The following CAMKMT variants were observed in gnomAD, a reference collection of about 807,000 sequenced individuals.
The protein encoded by CAMKMT is calmodulin-lysine N-methyltransferase, also known as CaM KMT.
CAMKMT carries 53 observed loss-of-function variants against 48.0 expected under a neutral mutation model. That is an observed-to-expected ratio of 1.10 (90% confidence interval 0.89 to 1.39). The LOEUF is 1.39. Ranked by LOEUF, CAMKMT falls within the 40% of genes most tolerant of loss-of-function variation. The probability of loss-of-function intolerance (pLI) is 0.00; values close to 1 mark genes in which losing one functional copy is unlikely to be tolerated. For synonymous variants in CAMKMT, 165 were observed against 152.3 expected, an observed-to-expected ratio of 1.08 and a Z score of -0.61; for missense variants, 428 against 402.7, an observed-to-expected ratio of 1.06 and a Z score of -0.54.
chr2:44,747,219 CTTT>C (rs1007503407), intron 8 of CAMKMT, among the ~76,000 whole-genome samples: 1 of 152,056 alleles, frequency 6.6e-6, no homozygotes, highest in East Asian at 1.9e-4. Context: ...TAAATTGTTT[CTTT>C]TTTTTAGTCC....
intron 3 of CAMKMT, among the ~76,000 whole-genome samples, chr2:44,450,283 C>G (rs1395301310): frequency 6.6e-6 from 1 of 152,148 alleles, no homozygotes; most frequent in Non-Finnish European, 1.5e-5. Flanking sequence ...CCTGAGCTGT[C>G]TTCCATGTGC....
At chr2:44,758,627 A>T (rs1393631440) in intron 9 of CAMKMT, among the ~76,000 whole-genome samples, 1 of 152,218 alleles carries the variant, frequency 6.6e-6, no homozygotes, top group Non-Finnish European at 1.5e-5. Context: ...AGCACATTTT[A>T]CGCATTCCAA....
At chr2:44,424,649 C>T (rs1415930122) in intron 3 of CAMKMT, among the ~76,000 whole-genome samples, 3 of 152,152 alleles carry the variant, frequency 2.0e-5, no homozygotes, top group Non-Finnish European at 2.9e-5. Context: ...GACTATTATT[C>T]TAAGTGAAGC....
At chr2:44,439,314 C>T (rs763903764) in intron 3 of CAMKMT, among the ~76,000 whole-genome samples, 1 of 152,174 alleles carries the variant, frequency 6.6e-6, no homozygotes, top group Non-Finnish European at 1.5e-5. Context: ...CTCTCTCTCT[C>T]CTACATCCTT....
intron 2 of CAMKMT, among the ~76,000 whole-genome samples, chr2:44,377,154 A>G (rs1182333231): frequency 6.6e-6 from 1 of 152,036 alleles, no homozygotes; most frequent in African/African-American, 2.4e-5. Flanking sequence ...CTACAGTTAC[A>G]TGCCACCATG....
At chr2:44,401,317 G>A (rs112933531) in intron 3 of CAMKMT, among the ~76,000 whole-genome samples, 2 of 152,140 alleles carry the variant, frequency 1.3e-5, no homozygotes, top group African/African-American at 4.8e-5. Flanking sequence ...CAGCACTTTG[G>A]GAGGTGAGGC....
At chr2:44,725,054 C>A (rs1678702652) in intron 7 of CAMKMT, among the ~76,000 whole-genome samples, 2 of 152,058 alleles carry the variant, frequency 1.3e-5, no homozygotes, top group Admixed American at 1.3e-4. Flanking sequence ...ACTATCCCAG[C>A]TGAGAAATAT....
At chr2:44,687,062 T>C (rs991643845) in intron 3 of CAMKMT, among the ~76,000 whole-genome samples, 1 of 152,242 alleles carries the variant, frequency 6.6e-6, no homozygotes, top group Admixed American at 6.5e-5. Context: ...TTCTCTCCAA[T>C]GTATGATAAT....
chr2:44,520,543 G>A (rs1572702908), intron 3 of CAMKMT, among the ~76,000 whole-genome samples: 1 of 152,104 alleles, frequency 6.6e-6, no homozygotes, highest in Non-Finnish European at 1.5e-5. Flanking sequence ...TTAAGTGATG[G>A]TCATGGTACC....
At chr2:44,721,928 G>C (rs1371312802) in intron 7 of CAMKMT, among the ~76,000 whole-genome samples, 1 of 152,164 alleles carries the variant, frequency 6.6e-6, no homozygotes, top group African/African-American at 2.4e-5. Flanking sequence ...TCCAGGGCTA[G>C]GCAACCACTG....
chr2:44,417,568 A>G (rs773582377), intron 3 of CAMKMT, among the ~76,000 whole-genome samples: 6 of 152,196 alleles, frequency 3.9e-5, no homozygotes, highest in Non-Finnish European at 8.8e-5. Context: ...TCTCTTGGGT[A>G]AATACCTAGG....
In CAMKMT at chr2:44,674,398, T is replaced by C. The variant is rs572797858; in HGVS notation, c.377-29885T>C. Among the ~76,000 whole-genome samples the C allele has an allele frequency of 5.3e-5, 8 of 152,330 alleles. No homozygotes were observed. The East Asian group carries it at 7.7e-4, about 15-fold the overall frequency. On this transcript the variant is annotated intron_variant, in intron 3 of 10. Coordinates refer to ENST00000378494, the MANE Select transcript of CAMKMT (RefSeq NM_024766.5). ...ATCTTGACTGCAGGGACCATCTTAG[T>C]ATCCAAAAGCTAGAGCACAGTCTCT...
At chr2:44,430,906 C>T (rs1360811290) in intron 3 of CAMKMT, among the ~76,000 whole-genome samples, 1 of 152,028 alleles carries the variant, frequency 6.6e-6, no homozygotes, top group East Asian at 1.9e-4. Flanking sequence ...TAAAGATTTG[C>T]AAAAGTACTA....
chr2:44,391,871 C>T (rs566300033), intron 3 of CAMKMT: 2 of 152,918 alleles, frequency 1.3e-5, no homozygotes, highest in Non-Finnish European at 2.9e-5. Context: ...TCACTGTTGT[C>T]TCTTGTTTGG....
At chr2:44,489,884 C>T (rs1669401112) in intron 3 of CAMKMT, among the ~76,000 whole-genome samples, 1 of 152,140 alleles carries the variant, frequency 6.6e-6, no homozygotes, top group Admixed American at 6.5e-5. Flanking sequence ...TCCATGTTCA[C>T]TATTTGGGTG....
chr2:44,481,917 T>G (rs1289122531), intron 3 of CAMKMT, among the ~76,000 whole-genome samples: 1 of 152,072 alleles, frequency 6.6e-6, no homozygotes, highest in African/African-American at 2.4e-5. Context: ...GTTTTAGAAA[T>G]TTCAATTCCT....
chr2:44,514,655 G>A (rs1670745084), intron 3 of CAMKMT, among the ~76,000 whole-genome samples: 2 of 152,196 alleles, frequency 1.3e-5, no homozygotes, highest in South Asian at 4.2e-4. Context: ...GACCTTTTCT[G>A]TCTTGTTCAC....
chr2:44,582,733 G>C (rs1669632318), intron 3 of CAMKMT, among the ~76,000 whole-genome samples: 1 of 152,194 alleles, frequency 6.6e-6, no homozygotes, highest in African/African-American at 2.4e-5. Flanking sequence ...TGGAGTACAT[G>C]AAAGTTACAT....
intron 3 of CAMKMT, among the ~76,000 whole-genome samples, chr2:44,586,545 G>A (rs1417135129): frequency 2.6e-5 from 4 of 151,860 alleles, no homozygotes; most frequent in Non-Finnish European, 4.4e-5. Context: ...TTTTCATCAG[G>A]CTTCTTTCAC....
Sources: allele counts gnomAD v4.1 joint callset (sites outside exome capture counted in the v4.1 genomes callset), GRCh38; gene constraint gnomAD v4.1.1; transcripts MANE v1.5; gene names NCBI Gene and HGNC (gene_info 2026-07-23, HGNC 2026-07-21).